ZNF385D: variants seen among roughly 807,000 people sequenced by gnomAD.
ZNF385D encodes zinc finger protein 385D, also known as zinc finger protein 659.
In ZNF385D, 15 loss-of-function variants were observed where a neutral mutation model predicts 35.8. The observed-to-expected ratio is 0.42, with a 90% CI of 0.28 to 0.64. The LOEUF is 0.64. ZNF385D is among the 30% of genes least tolerant of loss of function. ZNF385D has a pLI of 0.23. For synonymous variants in ZNF385D, 212 were observed against 186.8 expected (o/e 1.13, Z -1.10); for missense variants, 474 against 494.6 (o/e 0.96, Z 0.39).
chr3:21,973,722 G>A (rs1433610616), intron 3 of ZNF385D, among the ~76,000 whole-genome samples: 1 of 151,984 alleles, frequency 6.6e-6, no homozygotes. Flanking sequence ...AACAAATTCA[G>A]TAAAGTTGCA....
chr3:22,070,825 T>C (rs139617612), intron 3 of ZNF385D, among the ~76,000 whole-genome samples: 96 of 152,328 alleles, frequency 6.3e-4, no homozygotes, highest in African/African-American at 2.1e-3. Flanking sequence ...ATATAATTTA[T>C]AAACAGCTTA....
intron 1 of ZNF385D, among the ~76,000 whole-genome samples, chr3:21,733,688 C>T (rs2069117540): frequency 6.6e-6 from 1 of 152,060 alleles, no homozygotes; most frequent in Non-Finnish European, 1.5e-5. Context: ...AATTTATTCA[C>T]CCTTGCTTTC....
chr3:22,253,441 G>A (rs779556651), intron 2 of ZNF385D, among the ~76,000 whole-genome samples: 1 of 151,946 alleles, frequency 6.6e-6, no homozygotes. Context: ...TATAAAAGCA[G>A]TTTCTTATTA....
chr3:21,869,367 G>A (rs559472398), intron 3 of ZNF385D, among the ~76,000 whole-genome samples: 1 of 152,220 alleles, frequency 6.6e-6, no homozygotes, highest in South Asian at 2.1e-4. Flanking sequence ...ATTAACTAAT[G>A]TCCCACACCA....
At chr3:21,508,690 G>C (rs776447902) in intron 4 of ZNF385D, among the ~76,000 whole-genome samples, 2 of 152,116 alleles carry the variant, frequency 1.3e-5, no homozygotes, top group Non-Finnish European at 2.9e-5. Flanking sequence ...TAAGCATTAA[G>C]CCTTATATAG....
intron 1 of ZNF385D, among the ~76,000 whole-genome samples, chr3:21,729,762 C>T (rs140781607): frequency 3.9e-5 from 6 of 152,282 alleles, no homozygotes; most frequent in African/African-American, 1.4e-4. Context: ...GACATCCACT[C>T]AGGAAATCTG....
chr3:21,999,231 T>C (rs1695681458), intron 3 of ZNF385D, among the ~76,000 whole-genome samples: 1 of 152,220 alleles, frequency 6.6e-6, no homozygotes, highest in Non-Finnish European at 1.5e-5. Flanking sequence ...AGCAAGGATA[T>C]TTCCTCAGGT....
At chr3:22,045,351 T>G (rs1309179964) in intron 3 of ZNF385D, among the ~76,000 whole-genome samples, 1 of 152,108 alleles carries the variant, frequency 6.6e-6, no homozygotes, top group Non-Finnish European at 1.5e-5. Flanking sequence ...CATGGAAATA[T>G]TCCAGTAAAG....
At chr3:21,432,248 C>A (rs1035274179) in intron 5 of ZNF385D, among the ~76,000 whole-genome samples, 1 of 95,200 alleles carries the variant, frequency 1.1e-5, no homozygotes, top group East Asian at 3.3e-4. Context: ...TTGATCTGCT[C>A]AACAAATTTT....
intron 3 of ZNF385D, among the ~76,000 whole-genome samples, chr3:21,564,161 A>C (rs2063056808): frequency 6.6e-6 from 1 of 152,126 alleles, no homozygotes; most frequent in Non-Finnish European, 1.5e-5. Flanking sequence ...CCTCCATTCC[A>C]GGCAAAAAAA....
chr3:21,752,328 T>C (rs186727646), upstream of ZNF385D, among the ~76,000 whole-genome samples: 1 of 152,272 alleles, frequency 6.6e-6, no homozygotes, highest in East Asian at 1.9e-4. Flanking sequence ...AAGAACCAAA[T>C]ATAAACAAAG....
chr3:22,167,731 C>G (rs181879093), intron 3 of ZNF385D, among the ~76,000 whole-genome samples: 1 of 152,318 alleles, frequency 6.6e-6, no homozygotes, highest in Non-Finnish European at 1.5e-5. Flanking sequence ...TCCTGTGTCA[C>G]TAGGTTTATC....
At chr3:21,586,542 T>A (rs1202594867) in intron 2 of ZNF385D, among the ~76,000 whole-genome samples, 1 of 152,174 alleles carries the variant, frequency 6.6e-6, no homozygotes, top group East Asian at 1.9e-4. Context: ...TTAGTTAATA[T>A]AGTAAAGAAC....
At chr3:21,593,649 G>C (rs1442817485) in intron 2 of ZNF385D, among the ~76,000 whole-genome samples, 2 of 151,832 alleles carry the variant, frequency 1.3e-5, no homozygotes, top group Non-Finnish European at 2.9e-5. Context: ...TACACACAAT[G>C]CATTTTAAAA....
chr3:21,589,529 A>G lies in ZNF385D; in HGVS notation c.166-24845T>C, dbSNP rs566388749. Among the ~76,000 whole-genome samples the G allele has an allele frequency of 2.2e-4, 33 of 152,320 alleles. No homozygotes were observed. In the South Asian group the frequency reaches 6.0e-3, roughly 28 times the overall value. ...CTTACTGTAGGAAAATATTTTTTAC[A>G]TAAGACAAAAAAAGCTTGCAACAGC... On this transcript the variant is annotated intron_variant, in intron 2 of 7. Coordinates refer to ENST00000281523, the MANE Select transcript of ZNF385D (RefSeq NM_024697.3).
chr3:21,816,725 G>T (rs1018642170), intron 3 of ZNF385D, among the ~76,000 whole-genome samples: 1 of 152,138 alleles, frequency 6.6e-6, no homozygotes, highest in African/African-American at 2.4e-5. Context: ...CTCATAGATA[G>T]GAAGAATCAA....
chr3:22,176,915 T>G (rs1240424024), intron 2 of ZNF385D, among the ~76,000 whole-genome samples: 1 of 152,230 alleles, frequency 6.6e-6, no homozygotes, highest in Non-Finnish European at 1.5e-5. Flanking sequence ...AGATCAGATA[T>G]GTCTTAAATT....
rs113678994 is a variant in ZNF385D, at chr3:22,218,206, A to G, written c.107-49171T>C. Among the ~76,000 whole-genome samples the G allele has an allele frequency of 6.6e-3, 1,007 of 152,172 alleles. 12 individuals carry two copies. The highest frequency in any genetic ancestry group is 0.023 in the African/African-American group (944 of 41,538). Reference sequence around the variant, plus strand: ...TTGGAAAAATTTACACCTTTATATTATTGAGTCTTCTTTAATTTTATTTAG... The same window carrying G: ...TTGGAAAAATTTACACCTTTATATTGTTGAGTCTTCTTTAATTTTATTTAG... On this transcript the variant is annotated intron_variant, in intron 2 of 5. Coordinates refer to the ZNF385D transcript ENST00000494108.
intron 2 of ZNF385D, among the ~76,000 whole-genome samples, chr3:22,272,103 C>G (rs1397127636): frequency 2.6e-5 from 4 of 151,960 alleles, no homozygotes; most frequent in African/African-American, 9.7e-5. Flanking sequence ...TCTCATGCTT[C>G]TGAAGAGAAG....
Sources: allele counts gnomAD v4.1 joint callset (sites outside exome capture counted in the v4.1 genomes callset), GRCh38; gene constraint gnomAD v4.1.1; transcripts MANE v1.5; gene names NCBI Gene and HGNC (gene_info 2026-07-23, HGNC 2026-07-21).